Variants in KCNIP4 observed in about 807,000 individuals in gnomAD.
KCNIP4 encodes the protein potassium voltage-gated channel interacting protein 4, also known as Kv channel-interacting protein 4.
Under a neutral mutation model 34.0 loss-of-function variants are expected in KCNIP4, and 12 were observed. The observed-to-expected ratio is 0.35, with a 90% CI of 0.23 to 0.57. The LOEUF (loss-of-function observed/expected upper bound fraction) is 0.57, where lower values mean the gene tolerates loss of function less well. Ranked by LOEUF, KCNIP4 falls within the 20% of genes least tolerant of loss-of-function variation. The pLI is 0.83. For missense variants in KCNIP4, 238 were observed against 311.7 expected (o/e 0.76, Z 1.78); for synonymous variants, 124 against 102.2 (o/e 1.21, Z -1.29).
At chr4:21,214,420 G>A (rs113220794) in intron 1 of KCNIP4, among the ~76,000 whole-genome samples, 3,590 of 152,170 alleles carry the variant, frequency 0.024, 137 homozygotes, top group African/African-American at 0.082. Context: ...TCATTAGGCT[G>A]ACTTCCCCGT....
At chr4:21,535,149 C>T (rs2108986286) in intron 1 of KCNIP4, among the ~76,000 whole-genome samples, 1 of 152,210 alleles carries the variant, frequency 6.6e-6, no homozygotes, top group East Asian at 1.9e-4. Flanking sequence ...TAAAATTAGG[C>T]TTAACACAGG....
At chr4:21,367,920 A>G (rs575603668) in intron 1 of KCNIP4, among the ~76,000 whole-genome samples, 2 of 147,518 alleles carry the variant, frequency 1.4e-5, no homozygotes, top group Non-Finnish European at 2.9e-5. Flanking sequence ...CCCAGAGACT[A>G]CCTATACAGG....
chr4:21,566,935 T>C (rs1325434871), intron 1 of KCNIP4, among the ~76,000 whole-genome samples: 1 of 152,148 alleles, frequency 6.6e-6, no homozygotes, highest in East Asian at 1.9e-4. Flanking sequence ...AATACCTCTA[T>C]ATTGTGTAAT....
intron 1 of KCNIP4, among the ~76,000 whole-genome samples, chr4:21,032,397 T>A (rs1261197431): frequency 2.0e-5 from 3 of 152,156 alleles, no homozygotes; most frequent in Non-Finnish European, 4.4e-5. Flanking sequence ...TGCACAAGTT[T>A]GCTTGCTAAG....
At chr4:21,917,692 T>C (rs1049137449) in intron 1 of KCNIP4, among the ~76,000 whole-genome samples, 1 of 152,200 alleles carries the variant, frequency 6.6e-6, no homozygotes, top group African/African-American at 2.4e-5. Flanking sequence ...TGATATAGCT[T>C]AGGTCAGATT....
chr4:21,014,742 G>C (rs2149737360), intron 1 of KCNIP4, among the ~76,000 whole-genome samples: 1 of 152,266 alleles, frequency 6.6e-6, no homozygotes, highest in African/African-American at 2.4e-5. Context: ...CATTACCATT[G>C]ACTCAGCAAT....
At chr4:21,387,671 G>T (rs1341980300) in intron 1 of KCNIP4, among the ~76,000 whole-genome samples, 2 of 152,018 alleles carry the variant, frequency 1.3e-5, no homozygotes, top group Non-Finnish European at 2.9e-5. Flanking sequence ...GGCTTGCTTG[G>T]GACTATAAGG....
intron 3 of KCNIP4, among the ~76,000 whole-genome samples, chr4:20,830,635 C>T (rs1718306653): frequency 1.3e-5 from 2 of 152,100 alleles, no homozygotes; most frequent in Non-Finnish European, 2.9e-5. Flanking sequence ...CAAAAAATGA[C>T]ATGCATACAC....
chr4:21,948,021 T>C (rs150452413), intron 1 of KCNIP4, among the ~76,000 whole-genome samples: 1 of 152,338 alleles, frequency 6.6e-6, no homozygotes, highest in African/African-American at 2.4e-5. Context: ...GAGGACCATT[T>C]TCTCTGAACA....
At chr4:21,843,295 A>AATC (rs1289693824) in intron 1 of KCNIP4, 1 of 152,100 alleles carries the variant, frequency 6.6e-6, no homozygotes, top group Non-Finnish European at 1.5e-5. Context: ...TATCTTGATT[A>AATC]ATCTTTCCAT....
chr4:21,244,564 C>T (rs1047360822), intron 1 of KCNIP4, among the ~76,000 whole-genome samples: 1 of 152,098 alleles, frequency 6.6e-6, no homozygotes, highest in African/African-American at 2.4e-5. Context: ...TATAAACATG[C>T]TAATACTACA....
chr4:20,975,334 CT>C (rs1349201393), intron 1 of KCNIP4, among the ~76,000 whole-genome samples: 1 of 152,112 alleles, frequency 6.6e-6, no homozygotes, highest in Non-Finnish European at 1.5e-5. Context: ...TAAAATGGGT[CT>C]TTAACAAATC....
intron 1 of KCNIP4, among the ~76,000 whole-genome samples, chr4:21,462,798 TG>T (rs1729582355): frequency 6.6e-6 from 1 of 151,262 alleles, no homozygotes; most frequent in Admixed American, 6.6e-5. Flanking sequence ...TGTGTGTGTG[TG>T]TGTGTGTATG....
At chr4:21,449,888 A>G (rs1728369216) in intron 1 of KCNIP4, among the ~76,000 whole-genome samples, 1 of 152,018 alleles carries the variant, frequency 6.6e-6, no homozygotes, top group South Asian at 2.1e-4. Context: ...CCATCCATCC[A>G]TCCACCCAAC....
chr4:21,003,924 T>C (rs73805259), intron 1 of KCNIP4, among the ~76,000 whole-genome samples: 1,587 of 152,198 alleles, frequency 0.01, 32 homozygotes, highest in African/African-American at 0.036. Flanking sequence ...AGAAATTCCA[T>C]ATTACTAAAA....
chr4:21,892,550 TA>T (rs35105632), intron 1 of KCNIP4, among the ~76,000 whole-genome samples: 54,670 of 126,262 alleles, frequency 0.43, 12,358 homozygotes, highest in South Asian at 0.62. Flanking sequence ...AGCAAAAAAG[TA>T]AAAAAAAAAA....
chr4:21,106,503 T>C (rs1231070195), intron 1 of KCNIP4, among the ~76,000 whole-genome samples: 1 of 151,598 alleles, frequency 6.6e-6, no homozygotes, highest in Non-Finnish European at 1.5e-5. Context: ...TCTTTATTAG[T>C]CTTGCTAGCA....
At chr4:21,247,735 G>GAGATATATATATAT (rs796243156) in intron 1 of KCNIP4, among the ~76,000 whole-genome samples, 1 of 61,364 alleles carries the variant, frequency 1.6e-5, no homozygotes, top group Non-Finnish European at 2.8e-5. Flanking sequence ...TCCACAGGTG[G>GAGATATATATATAT]ATATATATAT....
intron 3 of KCNIP4, among the ~76,000 whole-genome samples, chr4:20,843,600 C>T (rs530551981): frequency 2.0e-5 from 3 of 152,216 alleles, no homozygotes; most frequent in Admixed American, 2.0e-4. Flanking sequence ...TGTGGTAGTG[C>T]ACGCCTGTAA....
Sources: gnomAD v4.1 joint callset for allele counts (sites outside exome capture counted in the v4.1 genomes callset) on GRCh38, gnomAD v4.1.1 for gene constraint, MANE v1.5 for transcripts, NCBI Gene and HGNC (gene_info 2026-07-23, HGNC 2026-07-21) for gene names.